Variants in PPP1R1C observed in about 807,000 individuals in gnomAD.
The protein encoded by PPP1R1C is protein phosphatase 1 regulatory subunit 1C.
PPP1R1C carries 15 observed loss-of-function variants against 17.4 expected under a neutral mutation model. The ratio of observed to expected loss-of-function variants is 0.86; its 90% CI spans 0.58 to 1.33. The LOEUF (loss-of-function observed/expected upper bound fraction) is 1.33. Ranked by LOEUF, PPP1R1C falls within the 40% of genes most tolerant of loss-of-function variation. The pLI is 0.00. For missense variants in PPP1R1C, 143 were observed against 130.0 expected (o/e 1.10, Z -0.48); for synonymous variants, 35 against 43.1 (o/e 0.81, Z 0.73).
chr2:182,020,030 C>A (rs1686371259), intron 2 of PPP1R1C, among the ~76,000 whole-genome samples: 1 of 152,132 alleles, frequency 6.6e-6, no homozygotes. Flanking sequence ...TGGTTTAAAC[C>A]AGTTAACTAT....
chr2:182,079,439 G>A (rs1263042541), intron 4 of PPP1R1C, among the ~76,000 whole-genome samples: 1 of 152,094 alleles, frequency 6.6e-6, no homozygotes, highest in African/African-American at 2.4e-5. Context: ...TTATTATCAG[G>A]TAATAAAAAA....
chr2:182,007,961 G>A lies in PPP1R1C; in HGVS notation c.142+20062G>A, dbSNP rs772073073. Reference sequence around the variant, plus strand: ...TGGGTGTCTGTAGTCCCAGCTACTCGGGAGGCTGAGGCAGGAGAATGGCGT... The same window carrying A: ...TGGGTGTCTGTAGTCCCAGCTACTCAGGAGGCTGAGGCAGGAGAATGGCGT... On this transcript the variant is annotated intron_variant, in intron 2 of 4. Coordinates refer to ENST00000682840, the MANE Select transcript of PPP1R1C (RefSeq NM_001080545.3). 9.2e-5 allele frequency among the ~76,000 whole-genome samples: 14 copies of A among 152,206 alleles called. No individual in the cohort carries two copies. The East Asian group carries it at 1.2e-3, about 13-fold the overall frequency.
downstream of PPP1R1C, among the ~76,000 whole-genome samples, chr2:182,121,200 T>C (rs1169462040): frequency 1.3e-5 from 2 of 152,180 alleles, no homozygotes; most frequent in Non-Finnish European, 2.9e-5. Flanking sequence ...CTTTGAGTCA[T>C]TCTGACTTGG....
At chr2:182,118,244 C>A (rs551167931), downstream of PPP1R1C, among the ~76,000 whole-genome samples, 1 of 152,064 alleles carries the variant, frequency 6.6e-6, no homozygotes, top group African/African-American at 2.4e-5. Flanking sequence ...ATACTTTTAC[C>A]CCTATAGAAC....
intron 4 of PPP1R1C, among the ~76,000 whole-genome samples, chr2:182,110,012 G>A (rs919635936): frequency 6.6e-6 from 1 of 152,108 alleles, no homozygotes; most frequent in African/African-American, 2.4e-5. Context: ...AGCCTAATCC[G>A]TGCCTTCTCT....
intron 5 of PPP1R1C, among the ~76,000 whole-genome samples, chr2:182,126,706 C>G (rs1051354520): frequency 2.0e-5 from 3 of 151,998 alleles, no homozygotes; most frequent in Non-Finnish European, 4.4e-5. Flanking sequence ...AACCGTAGGT[C>G]TTTCCTTGAC....
At chr2:182,074,539 C>CT (rs1688237819) in intron 4 of PPP1R1C, among the ~76,000 whole-genome samples, 1 of 152,014 alleles carries the variant, frequency 6.6e-6, no homozygotes, top group South Asian at 2.1e-4. Context: ...AATTGAAATC[C>CT]TTGTAAAATG....
chr2:181,977,495 A>C (rs996992432), intron 2 of PPP1R1C, among the ~76,000 whole-genome samples: 1 of 152,020 alleles, frequency 6.6e-6, no homozygotes, highest in Admixed American at 6.5e-5. Context: ...GGATTAATTT[A>C]TCTATCCCCA....
intron 2 of PPP1R1C, among the ~76,000 whole-genome samples, chr2:182,040,231 T>C (rs932253423): frequency 6.6e-6 from 1 of 152,244 alleles, no homozygotes; most frequent in African/African-American, 2.4e-5. Flanking sequence ...TACTCCATAC[T>C]GTTTTCCTTA....
At position 182,009,962 on chromosome 2, in the gene PPP1R1C, A is replaced by G. The variant is rs960878232; in HGVS notation, c.142+22063A>G. ...TGTGTGGATTTGTTTCTGGGTTCTC[A>G]ATTCTGTTCCATTGGTCTGTGTGTC... On this transcript the variant is annotated intron_variant, in intron 2 of 4. Transcript: ENST00000682840. 4.0e-5 allele frequency among the ~76,000 whole-genome samples: 6 copies of G among 151,780 alleles called. No homozygotes were observed. In the South Asian group the frequency reaches 6.2e-4, roughly 16 times the overall value.
At chr2:182,061,770 A>G (rs1687857578) in intron 3 of PPP1R1C, among the ~76,000 whole-genome samples, 2 of 152,150 alleles carry the variant, frequency 1.3e-5, no homozygotes, top group Admixed American at 6.6e-5. Context: ...ATATATGCAC[A>G]CCACAGGCTA....
At chr2:182,051,238 T>A (rs1375915322) in intron 2 of PPP1R1C, among the ~76,000 whole-genome samples, 2 of 152,204 alleles carry the variant, frequency 1.3e-5, no homozygotes, top group Non-Finnish European at 2.9e-5. Context: ...TAGTGCCTCC[T>A]GAAAGATAGA....
intron 1 of PPP1R1C, among the ~76,000 whole-genome samples, chr2:181,963,424 A>C (rs1227299811): frequency 6.6e-6 from 1 of 152,228 alleles, no homozygotes; most frequent in East Asian, 1.9e-4. Flanking sequence ...GTGGACCACG[A>C]GGTCAGGAGT....
intron 2 of PPP1R1C, among the ~76,000 whole-genome samples, chr2:182,042,906 G>A (rs1039425619): frequency 4.6e-5 from 7 of 152,212 alleles, no homozygotes; most frequent in Non-Finnish European, 8.8e-5. Flanking sequence ...AGAGATGATT[G>A]TGAGCCTTTC....
chr2:182,103,991 G>T (rs1005470500), intron 4 of PPP1R1C, among the ~76,000 whole-genome samples: 2 of 152,184 alleles, frequency 1.3e-5, no homozygotes, highest in South Asian at 4.1e-4. Context: ...ACTTGTAAAA[G>T]CCATGGACCC....
chr2:181,989,410 G>A (rs1003056514), intron 2 of PPP1R1C, among the ~76,000 whole-genome samples: 1 of 152,322 alleles, frequency 6.6e-6, no homozygotes, highest in East Asian at 1.9e-4. Context: ...CACTAGAAGT[G>A]ACGGATTCCA....
intron 4 of PPP1R1C, among the ~76,000 whole-genome samples, chr2:182,089,558 A>G (rs1688723917): frequency 6.6e-6 from 1 of 152,154 alleles, no homozygotes; most frequent in South Asian, 2.1e-4. Flanking sequence ...TGGATTGTGT[A>G]TTTTGTCTCA....
chr2:182,044,553 A>G (rs754769303), intron 2 of PPP1R1C, among the ~76,000 whole-genome samples: 11 of 152,130 alleles, frequency 7.2e-5, no homozygotes, highest in Non-Finnish European at 1.3e-4. Context: ...CAAGCTTATA[A>G]AGATTTATTT....
upstream of PPP1R1C, among the ~76,000 whole-genome samples, chr2:181,980,950 A>T (rs572256193): frequency 7.1e-6 from 1 of 141,190 alleles, no homozygotes; most frequent in Non-Finnish European, 1.5e-5. Flanking sequence ...TTTTTTTGAG[A>T]CGGAGTCTCG....
Sources: gnomAD v4.1 joint callset for allele counts (sites outside exome capture counted in the v4.1 genomes callset) on GRCh38, gnomAD v4.1.1 for gene constraint, MANE v1.5 for transcripts, NCBI Gene and HGNC (gene_info 2026-07-23, HGNC 2026-07-21) for gene names.